The following STK3 variants were observed in gnomAD, a reference collection of about 807,000 sequenced individuals.
STK3 encodes the protein serine/threonine kinase 3, also known as serine/threonine-protein kinase 3.
A neutral mutation model predicts 58.0 loss-of-function variants in STK3; 41 were observed. The ratio of observed to expected loss-of-function variants is 0.71; its 90% CI spans 0.55 to 0.92. The LOEUF (loss-of-function observed/expected upper bound fraction) is 0.92. Ranked by LOEUF, STK3 falls within the 40% of genes least tolerant of loss-of-function variation. The probability of loss-of-function intolerance (pLI) is 0.00; values close to 1 mark genes in which losing one functional copy is unlikely to be tolerated. For synonymous variants in STK3, 170 were observed against 191.0 expected (o/e 0.89, Z 0.91); for missense variants, 479 against 602.7 (o/e 0.79, Z 2.15).
At chr8:98,365,454 G>C in the STK3 span, among the ~76,000 whole-genome samples, 1 of 152,180 alleles carries the variant, frequency 6.6e-6, no homozygotes, top group Non-Finnish European at 1.5e-5. Context: ...GAAGAAGAGA[G>C]TGAGACAGAG....
At chr8:98,694,794 A>C (rs1824725508) in intron 6 of STK3, among the ~76,000 whole-genome samples, 1 of 152,214 alleles carries the variant, frequency 6.6e-6, no homozygotes, top group African/African-American at 2.4e-5. Flanking sequence ...TATTGTGAAT[A>C]GTGCCACAAT....
chr8:98,738,751 T>G (rs1828867734), intron 4 of STK3, among the ~76,000 whole-genome samples: 2 of 152,178 alleles, frequency 1.3e-5, no homozygotes, highest in South Asian at 2.1e-4. Context: ...GGACAGTGGG[T>G]GCAGCGCACC....
rs571779122 is a variant in STK3, at chr8:98,860,724, A to G, written c.110+22923T>C. On this transcript the variant is annotated intron_variant, in intron 3 of 12. Coordinates refer to the STK3 transcript ENST00000523601. Reference sequence around the variant, plus strand: ...AGCATAATGCTGAGGAAGAGGGACTATGGACACTATGGACCAGCATACGAC... The same window carrying G: ...AGCATAATGCTGAGGAAGAGGGACTGTGGACACTATGGACCAGCATACGAC... Among the ~76,000 whole-genome samples, 56 of 152,278 alleles carry G rather than the reference A, an allele frequency of 3.7e-4. 3 individuals carry two copies. The South Asian group carries it at 6.0e-3, about 16-fold the overall frequency.
intron 3 of STK3, among the ~76,000 whole-genome samples, chr8:98,845,190 A>AT (rs1189842650): frequency 2.0e-5 from 3 of 152,080 alleles, no homozygotes; most frequent in Non-Finnish European, 4.4e-5. Flanking sequence ...ATACCGACTT[A>AT]TTTTTTTAAA....
chr8:98,633,200 G>A (rs1055773120), intron 6 of STK3, among the ~76,000 whole-genome samples: 1 of 152,092 alleles, frequency 6.6e-6, no homozygotes, highest in Non-Finnish European at 1.5e-5. Context: ...CAGGCATAAA[G>A]TAACACTTAG....
intron 3 of STK3, chr8:98,429,756 T>C (rs1467294833): frequency 4.5e-6 from 1 of 221,666 alleles, no homozygotes; most frequent in Non-Finnish European, 9.7e-6. Flanking sequence ...GTACTGTCTA[T>C]GAGTTGTCGT....
intron 1 of STK3, among the ~76,000 whole-genome samples, chr8:98,815,298 T>C (rs1209793005): frequency 8.5e-5 from 13 of 152,248 alleles, no homozygotes; most frequent in Admixed American, 7.9e-4. Flanking sequence ...TCATCACTTT[T>C]GGCAGAATAT....
intron 1 of STK3, among the ~76,000 whole-genome samples, chr8:98,928,803 T>G (rs1296539306): frequency 6.6e-6 from 1 of 152,224 alleles, no homozygotes; most frequent in Non-Finnish European, 1.5e-5. Context: ...TTGGAAATAA[T>G]TCCCTGCAAA....
chr8:98,635,211 C>T (rs1819534471), intron 6 of STK3, among the ~76,000 whole-genome samples: 1 of 152,124 alleles, frequency 6.6e-6, no homozygotes, highest in Admixed American at 6.5e-5. Flanking sequence ...GCTGTCTCAG[C>T]ACTATTGTTA....
At chr8:98,581,008 T>C (rs973690729) in intron 7 of STK3, among the ~76,000 whole-genome samples, 1 of 152,184 alleles carries the variant, frequency 6.6e-6, no homozygotes, top group Non-Finnish European at 1.5e-5. Context: ...ACAAATTAAG[T>C]CCTATTAACA....
At chr8:98,843,682 C>T (rs1005887279) in intron 3 of STK3, among the ~76,000 whole-genome samples, 11 of 152,290 alleles carry the variant, frequency 7.2e-5, no homozygotes, top group African/African-American at 2.2e-4. Flanking sequence ...TTAGTTTACG[C>T]CTGAAACAAC....
downstream of STK3, chr8:98,881,943 T>A (rs578093116): frequency 6.6e-6 from 1 of 152,150 alleles, no homozygotes; most frequent in Non-Finnish European, 1.5e-5. Flanking sequence ...GCTAGGATTA[T>A]GCCACTGCAC....
intron 3 of STK3, among the ~76,000 whole-genome samples, chr8:98,410,968 T>C (rs1486540323): frequency 2.6e-5 from 4 of 152,222 alleles, no homozygotes; most frequent in Non-Finnish European, 4.4e-5. Context: ...CATGTCCTTA[T>C]TGCAATGAAT....
At chr8:98,861,888 G>C (rs1443216361) in intron 3 of STK3, among the ~76,000 whole-genome samples, 1 of 152,170 alleles carries the variant, frequency 6.6e-6, no homozygotes, top group Admixed American at 6.5e-5. Flanking sequence ...GGAACCTAGA[G>C]AAAATTTATT....
At chr8:98,582,673 T>C (rs1382580828) in intron 7 of STK3, among the ~76,000 whole-genome samples, 1 of 152,148 alleles carries the variant, frequency 6.6e-6, no homozygotes, top group African/African-American at 2.4e-5. Context: ...CTAGTTTCCT[T>C]TGTATATTAT....
At chr8:98,599,535 T>A (rs1816150788) in intron 6 of STK3, among the ~76,000 whole-genome samples, 1 of 151,782 alleles carries the variant, frequency 6.6e-6, no homozygotes, top group Admixed American at 6.6e-5. Context: ...TTACCACGTA[T>A]TAAAAAACCC....
chr8:98,559,033 A>G (rs1811810523), intron 8 of STK3, among the ~76,000 whole-genome samples: 1 of 152,106 alleles, frequency 6.6e-6, no homozygotes, highest in Admixed American at 6.6e-5. Context: ...AACAAAAAAC[A>G]ATCTCCCCCA....
intron 6 of STK3, chr8:98,598,328 AT>A: frequency 4.1e-6 from 4 of 985,338 alleles, no homozygotes; most frequent in Non-Finnish European, 4.8e-6. Flanking sequence ...TCTAACTCTT[AT>A]TTACCCAGTA....
chr8:98,940,033 C>A (rs1840347070), intron 1 of STK3, among the ~76,000 whole-genome samples: 1 of 152,256 alleles, frequency 6.6e-6, no homozygotes, highest in Non-Finnish European at 1.5e-5. Flanking sequence ...GCCTGGCTCT[C>A]TCCGACGAGG....
Sources: gnomAD v4.1 joint callset for allele counts (sites outside exome capture counted in the v4.1 genomes callset) on GRCh38, gnomAD v4.1.1 for gene constraint, MANE v1.5 for transcripts, NCBI Gene and HGNC (gene_info 2026-07-23, HGNC 2026-07-21) for gene names.